The following XRCC5 variants were observed in gnomAD, a reference collection of about 807,000 sequenced individuals.
XRCC5 encodes the protein X-ray repair cross complementing 5.
Under a neutral mutation model 95.7 loss-of-function variants are expected in XRCC5, and 12 were observed. The observed-to-expected ratio is 0.13, with a 90% CI of 0.08 to 0.20. XRCC5 has a LOEUF of 0.20. XRCC5 is among the 10% of genes least tolerant of loss of function. XRCC5 has a pLI of 1.00. For synonymous variants in XRCC5, 281 were observed against 290.3 expected (o/e 0.97, Z 0.33); for missense variants, 595 against 873.9 (o/e 0.68, Z 4.02).
rs368848235 is a variant in XRCC5 at position 216,130,889 on chromosome 2, A to G, written c.952A>G (p.Ser318Gly). 3.2e-5 allele frequency: 52 copies of G among 1,609,366 alleles called. No homozygotes were observed. The highest frequency in any genetic ancestry group is 3.8e-5 in the Non-Finnish European group (45 of 1,178,466). The change falls in exon 9 of 21, where the codon AGT (serine) becomes GGT (glycine). Residue 318 changes from serine to glycine, a missense_variant. Physicochemically the swap from Ser to Gly is moderately conservative, Grantham distance 56. Around this residue, in one of 2 missense-constraint regions of XRCC5, gnomAD observed 286 missense variants for 491.1 expected, o/e 0.58. Coordinates refer to ENST00000392132, the MANE Select transcript of XRCC5 (RefSeq NM_021141.4). Reference sequence around the variant, plus strand: ...TTTTTCTCCAGGGTTCCGCTATGGAAGTGATATAGTTCCTTTCTCTAAAGT... The same window carrying G: ...TTTTTCTCCAGGGTTCCGCTATGGAGGTGATATAGTTCCTTTCTCTAAAGT... ...EDIIQGFRYG[S>G]DIVPFSKVDE...
intron 16 of XRCC5, among the ~76,000 whole-genome samples, chr2:216,182,561 C>T (rs1016612405): frequency 6.6e-6 from 1 of 152,158 alleles, no homozygotes; most frequent in African/African-American, 2.4e-5. Context: ...TGGAGACCCT[C>T]TTCCTCTGCC....
chr2:216,199,741 A>G (rs1397196355), intron 19 of XRCC5, among the ~76,000 whole-genome samples: 1 of 149,884 alleles, frequency 6.7e-6, no homozygotes, highest in Non-Finnish European at 1.5e-5. Flanking sequence ...GCACTGCCCT[A>G]GTCCTTCATT....
intron 3 of XRCC5, chr2:216,117,507 A>T (rs1410836896): frequency 2.1e-6 from 1 of 484,188 alleles, no homozygotes; most frequent in Non-Finnish European, 3.7e-6. Context: ...AATGAATGCA[A>T]TGTGTTAGAT....
chr2:216,182,543 G>C (rs1001633650), intron 16 of XRCC5, among the ~76,000 whole-genome samples: 1 of 152,064 alleles, frequency 6.6e-6, no homozygotes, highest in Non-Finnish European at 1.5e-5. Context: ...TAGGACCTTG[G>C]AAAATTGTGG....
At chr2:216,204,280 A>G in intron 19 of XRCC5, 42 bp from the exon 20 acceptor site, 1 of 1,611,978 alleles carries the variant, frequency 6.2e-7, no homozygotes, top group South Asian at 1.1e-5. Context: ...TCAAAGGGGC[A>G]AAAATATCAT....
rs1369335475 is a variant in XRCC5, at chr2:216,206,261, A to G, written c.*1059A>G. On this transcript the variant is annotated 3_prime_UTR_variant, in exon 21 of 21. Transcript: ENST00000392132. The stretch of plus-strand genomic sequence containing the variant: ...TAATACACAGTTTTGTACATGTAAC[A>G]TTAAAGGCATAAATGACTCATCTCT... 2 of 152,228 alleles carry G rather than the reference A, an allele frequency of 1.3e-5. No individual in the cohort carries two copies. Among genetic ancestry groups the G allele is most frequent in the Non-Finnish European group, 1.5e-5 (1 of 68,048 alleles). 9.4% of individuals were successfully genotyped at this position (152,228 alleles called of 1,614,324 possible).
At chr2:216,123,471 G>A (rs1696851273) in intron 6 of XRCC5, among the ~76,000 whole-genome samples, 1 of 152,028 alleles carries the variant, frequency 6.6e-6, no homozygotes, top group African/African-American at 2.4e-5. Context: ...TCAAATTTTG[G>A]AATAAATGCC....
rs747779248 is a variant in XRCC5, at chr2:216,132,328, C to G, written c.1054C>G (p.Gln352Glu). The change falls in exon 10 of 21, where the codon CAG becomes GAG. Residue 352 changes from glutamine to glutamate, a missense_variant. Gln to Glu is a conservative substitution (Grantham distance 29). Around this residue, in one of 2 missense-constraint regions of XRCC5, gnomAD observed 286 missense variants for 491.1 expected, o/e 0.58. Coordinates refer to ENST00000392132, the MANE Select transcript of XRCC5 (RefSeq NM_021141.4). ...VLGFCKSSQV[Q>E]RRFFMGNQVL... is the part of the protein sequence containing the mutation. ...CAATTCTTTTCCTCTCTTGTAGGTTCAGAGAAGATTCTTCATGGGAAATCA... is the reference window on the plus strand; with the variant it reads ...CAATTCTTTTCCTCTCTTGTAGGTTGAGAGAAGATTCTTCATGGGAAATCA... 3.7e-6 allele frequency: 6 copies of G among 1,613,670 alleles called. No individual in the cohort carries two copies. Among genetic ancestry groups the G allele is most frequent in the Non-Finnish European group, 5.1e-6 (6 of 1,179,764 alleles).
chr2:216,122,204 A>C lies in XRCC5; in HGVS notation c.634A>C (p.Met212Leu). The C allele has an allele frequency of 3.1e-6, 5 of 1,613,752 alleles. No individual in the cohort carries two copies. The highest frequency in any genetic ancestry group is 3.4e-6 in the Non-Finnish European group (4 of 1,179,874). ...KEGLEIVKMV[M>L]ISLEGEDGLD... The stretch of plus-strand genomic sequence containing the variant: ...AGGTCTTGAGATAGTGAAAATGGTG[A>C]TGATATCTTTAGAAGGTGAAGATGG... The change falls in exon 6 of 21, where the codon ATG becomes CTG. Residue 212 changes from methionine (M) to leucine (L), a missense_variant. This residue lies in a region of XRCC5 where 286 missense variants were observed against 491.1 expected (regional missense o/e 0.58). Transcript: ENST00000392132.
At chr2:216,198,398 A>G (rs1328575812) in intron 19 of XRCC5, among the ~76,000 whole-genome samples, 1 of 152,182 alleles carries the variant, frequency 6.6e-6, no homozygotes, top group Admixed American at 6.5e-5. Context: ...TCTCATTAGT[A>G]TAGTGGTGAG....
intron 16 of XRCC5, among the ~76,000 whole-genome samples, chr2:216,187,689 T>C (rs984770091): frequency 6.6e-6 from 1 of 151,832 alleles, no homozygotes; most frequent in Admixed American, 6.6e-5. Context: ...CTTTTTACTC[T>C]TTTCCGTGTA....
At chr2:216,112,507 T>C (rs1324070662) in intron 1 of XRCC5, among the ~76,000 whole-genome samples, 1 of 152,262 alleles carries the variant, frequency 6.6e-6, no homozygotes, top group Non-Finnish European at 1.5e-5. Context: ...GTTTACAAAC[T>C]GACTCAAATT....
chr2:216,142,682 A>G lies in XRCC5; in HGVS notation c.1476+1363A>G, dbSNP rs554689748. ...CCCTTTTCTGCAGGTTGGGGGTAAC[A>G]GGGCATGTGCTGCAGAGACCACAGA... On this transcript the variant is annotated intron_variant, in intron 13 of 20. Coordinates refer to ENST00000392132, the MANE Select transcript of XRCC5 (RefSeq NM_021141.4). Among the ~76,000 whole-genome samples, 4 of 152,330 alleles carry G rather than the reference A, an allele frequency of 2.6e-5. No homozygotes were observed. In the South Asian group the frequency reaches 8.3e-4, roughly 32 times the overall value.
Position 216,130,978 on chromosome 2 carries a change from A to C in XRCC5, c.1041A>C (p.Lys347Asn). 1 of 1,611,298 alleles carries C rather than the reference A, an allele frequency of 6.2e-7. No homozygotes were observed. Among genetic ancestry groups the C allele is most frequent in the South Asian group, 1.1e-5 (1 of 90,844 alleles). ...GKCFSVLGFC[K>N]SSQVQRRFFM... The stretch of plus-strand genomic sequence containing the variant: ...GCTTCTCTGTTTTGGGATTTTGTAA[A>C]TCTTCTCAGGTATGATTGTGAACAA... Residue 347 changes from lysine (K) to asparagine (N), a missense_variant, in exon 9 of 21, where the codon AAA becomes AAC. Physicochemically the swap from Lys to Asn is moderately conservative, Grantham distance 94. Transcript: ENST00000392132.
At chr2:216,160,677 TAA>T (rs1476200149) in intron 15 of XRCC5, among the ~76,000 whole-genome samples, 88 of 152,036 alleles carry the variant, frequency 5.8e-4, no homozygotes, top group African/African-American at 1.9e-3. Flanking sequence ...ATTAATTAAT[TAA>T]TTAATTAATT....
chr2:216,145,595 G>A (rs577461385), intron 13 of XRCC5, among the ~76,000 whole-genome samples: 2 of 152,238 alleles, frequency 1.3e-5, no homozygotes, highest in Admixed American at 1.3e-4. Context: ...TTAGTGCATT[G>A]GGAATTTTTA....
chr2:216,136,736 A>G (rs1697087738), intron 10 of XRCC5, among the ~76,000 whole-genome samples: 1 of 152,238 alleles, frequency 6.6e-6, no homozygotes, highest in Non-Finnish European at 1.5e-5. Flanking sequence ...CTATTATTTT[A>G]AGAAATTCAG....
At chr2:216,136,948 T>A (rs1350845932) in intron 10 of XRCC5, 140 bp from the exon 11 acceptor site, 13 of 922,596 alleles carry the variant, frequency 1.4e-5, no homozygotes, top group Non-Finnish European at 2.0e-5. Flanking sequence ...AGCAAATGTG[T>A]GCACTTCGTC....
intron 1 of XRCC5, among the ~76,000 whole-genome samples, chr2:216,111,164 C>A (rs1696584335): frequency 6.6e-6 from 1 of 152,184 alleles, no homozygotes. Flanking sequence ...CTCCCTGTAA[C>A]TTCCATCTGT....
Sources: gnomAD v4.1 joint callset for allele counts (sites outside exome capture counted in the v4.1 genomes callset) on GRCh38, gnomAD v4.1.1 for gene constraint, gnomAD v4.1.1 regional missense constraint, MANE v1.5 for transcripts, NCBI Gene and HGNC (gene_info 2026-07-23, HGNC 2026-07-21) for gene names.